Variants in SMARCC1 observed in about 807,000 individuals in gnomAD.
SMARCC1 encodes the protein SWI/SNF complex subunit SMARCC1.
Under a neutral mutation model 147.4 loss-of-function variants are expected in SMARCC1, and 43 were observed. The observed-to-expected ratio is 0.29, with a 90% CI of 0.23 to 0.38. SMARCC1 has a LOEUF of 0.38. SMARCC1 is among the 10% of genes least tolerant of loss of function. The pLI, the probability that SMARCC1 is intolerant of heterozygous loss-of-function variation, is 1.00. For synonymous variants in SMARCC1, 495 were observed against 484.4 expected, an observed-to-expected ratio of 1.02 and a Z score of -0.29; for missense variants, 1,119 against 1,381.1, an observed-to-expected ratio of 0.81 and a Z score of 3.01.
At chr3:47,715,106 C>A (rs1249305690) in intron 7 of SMARCC1, among the ~76,000 whole-genome samples, 2 of 152,166 alleles carry the variant, frequency 1.3e-5, no homozygotes, top group Non-Finnish European at 2.9e-5. Context: ...ATGTCTTCAA[C>A]CTCCAAAAGT....
chr3:47,654,891 C>T (rs1280570284), intron 21 of SMARCC1, among the ~76,000 whole-genome samples: 1 of 152,166 alleles, frequency 6.6e-6, no homozygotes, highest in Non-Finnish European at 1.5e-5. Context: ...CCTCCCAACA[C>T]CATAACACTG....
chr3:47,742,875 A>G (rs1409903768), intron 3 of SMARCC1, among the ~76,000 whole-genome samples: 1 of 152,172 alleles, frequency 6.6e-6, no homozygotes. Context: ...GAGCCACCAC[A>G]GCTGGCCAAT....
intron 26 of SMARCC1, among the ~76,000 whole-genome samples, chr3:47,608,849 T>TAAAA (rs35698988): frequency 1.2e-5 from 1 of 86,862 alleles, no homozygotes; most frequent in South Asian, 4.1e-4. Context: ...ACAGTGTCTT[T>TAAAA]AAAAAAAAAA....
At chr3:47,775,247 GC>G (rs918092288) in intron 1 of SMARCC1, among the ~76,000 whole-genome samples, 1 of 148,302 alleles carries the variant, frequency 6.7e-6, no homozygotes, top group African/African-American at 2.5e-5. Flanking sequence ...TGCAAGCTCT[GC>G]CCCCCAGGTT....
At chr3:47,753,633 ATT>A (rs2034654205) in intron 2 of SMARCC1, among the ~76,000 whole-genome samples, 1 of 140,250 alleles carries the variant, frequency 7.1e-6, no homozygotes. Flanking sequence ...AATCGCTTGA[ATT>A]CGGGAGGCGG....
chr3:47,712,971 C>G (rs2034106763), intron 8 of SMARCC1, among the ~76,000 whole-genome samples: 1 of 152,100 alleles, frequency 6.6e-6, no homozygotes, highest in African/African-American at 2.4e-5. Context: ...ATGGCTTACT[C>G]CTTTACTATT....
intron 14 of SMARCC1, among the ~76,000 whole-genome samples, chr3:47,685,399 A>G (rs1451291912): frequency 6.6e-6 from 1 of 152,194 alleles, no homozygotes; most frequent in Non-Finnish European, 1.5e-5. Flanking sequence ...AAGTAACTAA[A>G]AACTTTTTAT....
At chr3:47,626,648 T>C (rs2032815205) in intron 24 of SMARCC1, among the ~76,000 whole-genome samples, 1 of 152,114 alleles carries the variant, frequency 6.6e-6, no homozygotes. Flanking sequence ...AAGGGACTTG[T>C]GGTAGATTAA....
At chr3:47,645,819 T>G (rs566078251) in intron 21 of SMARCC1, among the ~76,000 whole-genome samples, 2 of 152,342 alleles carry the variant, frequency 1.3e-5, no homozygotes, top group South Asian at 4.1e-4. Flanking sequence ...CAAGCCAAAT[T>G]TGAAATCAAT....
chr3:47,694,895 T>C (rs1283182277), intron 11 of SMARCC1, among the ~76,000 whole-genome samples: 1 of 152,232 alleles, frequency 6.6e-6, no homozygotes, highest in Non-Finnish European at 1.5e-5. Flanking sequence ...GGGGTTCAGA[T>C]TCTTTATACA....
intron 10 of SMARCC1, among the ~76,000 whole-genome samples, chr3:47,704,109 A>T (rs2106790539): frequency 6.6e-6 from 1 of 151,880 alleles, no homozygotes; most frequent in East Asian, 1.9e-4. Flanking sequence ...TTATTTATTT[A>T]TTTTTTAAAC....
At position 47,759,255 on chromosome 3, in the gene SMARCC1, C is replaced by T. The variant is rs1418445294; in HGVS notation, c.316-13262G>A. Among the ~76,000 whole-genome samples the T allele has an allele frequency of 2.0e-5, 3 of 151,614 alleles. No homozygotes were observed. The East Asian group carries it at 6.0e-4, about 30-fold the overall frequency. ...CTTGAACTCCTGGACTCAAGTGATC[C>T]ACCCACCTCAGCCTCCCAAAATGCT... On this transcript the variant is annotated intron_variant, in intron 2 of 27. Transcript: ENST00000254480.
rs1447478441 is a variant in SMARCC1 at position 47,781,658 on chromosome 3, T to C, written c.140A>G (p.Glu47Gly). Residue 47 changes from glutamate (E) to glycine (G), a missense_variant, in exon 1 of 28, where the codon GAG (glutamate) becomes GGG (glycine). Transcript: ENST00000254480. ...GPATKFWESP[E>G]TVSQLDSVRV... ...CACCGAATCCAGCTGGGACACCGTC[T>C]CCGGGCTCTCCCAAAACTTGGTGGC... The C allele has an allele frequency of 1.3e-6, 2 of 1,557,736 alleles. No homozygotes were observed. Among genetic ancestry groups the C allele is most frequent in the Non-Finnish European group, 8.7e-7 (1 of 1,156,054 alleles).
intron 7 of SMARCC1, among the ~76,000 whole-genome samples, chr3:47,718,672 A>G (rs1263598278): frequency 3.3e-5 from 5 of 152,082 alleles, no homozygotes; most frequent in Admixed American, 2.0e-4. Context: ...ATGTAACCAC[A>G]TATCAACTGT....
chr3:47,679,861 C>CAAA (rs35582823), intron 15 of SMARCC1, among the ~76,000 whole-genome samples: 14 of 78,454 alleles, frequency 1.8e-4, no homozygotes, highest in African/African-American at 3.3e-4. Context: ...GACTCCATCT[C>CAAA]AAAAAAAAAA....
chr3:47,604,635 C>T (rs750652585), intron 26 of SMARCC1: 188 of 192,896 alleles, frequency 9.7e-4, no homozygotes, highest in Non-Finnish European at 1.6e-3. Flanking sequence ...ATCAGACCTA[C>T]GTGCTAGAAC....
At chr3:47,654,456 T>C (rs930802971) in intron 21 of SMARCC1, among the ~76,000 whole-genome samples, 3 of 152,156 alleles carry the variant, frequency 2.0e-5, no homozygotes, top group Non-Finnish European at 4.4e-5. Context: ...ATCAAAGAGT[T>C]GGTACTCTAG....
chr3:47,610,488 T>A, intron 25 of SMARCC1, 161 bp from the exon 26 acceptor site: 1 of 706,050 alleles, frequency 1.4e-6, no homozygotes, highest in South Asian at 1.7e-5. Flanking sequence ...AAGGCATTAT[T>A]TCTTGAGTAG....
intron 2 of SMARCC1, among the ~76,000 whole-genome samples, chr3:47,754,305 C>T (rs887879831): frequency 5.3e-5 from 8 of 151,872 alleles, no homozygotes; most frequent in African/African-American, 1.9e-4. Flanking sequence ...CAGGTTCAAG[C>T]AATTCTCCTG....
Sources: gnomAD v4.1 joint callset for allele counts (sites outside exome capture counted in the v4.1 genomes callset) on GRCh38, gnomAD v4.1.1 for gene constraint, MANE v1.5 for transcripts, NCBI Gene and HGNC (gene_info 2026-07-23, HGNC 2026-07-21) for gene names.